The following SEZ6L2 variants were observed in gnomAD, a reference collection of about 807,000 sequenced individuals.
The protein encoded by SEZ6L2 is seizure 6-like protein 2.
Under a neutral mutation model 97.0 loss-of-function variants are expected in SEZ6L2, and 44 were observed. The observed-to-expected ratio is 0.45, with a 90% CI of 0.36 to 0.58. SEZ6L2 has a LOEUF of 0.58. SEZ6L2 is among the 20% of genes least tolerant of loss of function. The pLI is 0.00. For synonymous variants in SEZ6L2, 543 were observed against 546.1 expected (o/e 0.99, Z 0.08); for missense variants, 1,086 against 1,233.3 (o/e 0.88, Z 1.79).
intron 8 of SEZ6L2, among the ~76,000 whole-genome samples, chr16:29,884,601 A>G (rs1399654515): frequency 2.0e-5 from 3 of 151,674 alleles, no homozygotes; most frequent in Non-Finnish European, 4.4e-5. Flanking sequence ...CAAAATAAAT[A>G]AATAAATAAA....
At chr16:29,892,581 T>C (rs539217090) in intron 5 of SEZ6L2, among the ~76,000 whole-genome samples, 2 of 152,138 alleles carry the variant, frequency 1.3e-5, no homozygotes, top group African/African-American at 4.8e-5. Flanking sequence ...CTAAGGCAGG[T>C]CCTGAGCAGA....
At chr16:29,882,954 T>C (rs919735690) in intron 8 of SEZ6L2, among the ~76,000 whole-genome samples, 2 of 152,180 alleles carry the variant, frequency 1.3e-5, no homozygotes, top group African/African-American at 4.8e-5. Context: ...GAGTCAGGAC[T>C]CACAACTTGC....
intron 8 of SEZ6L2, among the ~76,000 whole-genome samples, chr16:29,883,346 G>A (rs894138424): frequency 1.3e-5 from 2 of 151,732 alleles, no homozygotes; most frequent in African/African-American, 4.8e-5. Flanking sequence ...TTGCTCTGTT[G>A]CCCAGGCTGG....
Position 29,873,313 on chromosome 16 carries a change from A to G in SEZ6L2, c.2415T>C (p.Leu805=). The change falls in exon 14 of 18, where the codon CTT becomes CTC. Residue 805 remains leucine (L), a synonymous_variant. Coordinates refer to ENST00000617533, the MANE Select transcript of SEZ6L2 (RefSeq NM_001243332.2). The surrounding 1 kb of genome is among the most constrained non-coding windows in gnomAD (Gnocchi z 4.3). ...CACAGGTGATGGTGACCTCGCCGAT[A>G]AGCTCAAAGCCCTCATAGCAGAAGA... ...LRFFCYEGFE[L]IGEVTITCVP... is the part of the protein sequence containing the mutation. The G allele has an allele frequency of 6.2e-7, 1 of 1,614,206 alleles. No homozygotes were observed. Among genetic ancestry groups the G allele is most frequent in the Non-Finnish European group, 8.5e-7 (1 of 1,180,028 alleles).
chr16:29,896,797 C>G (rs755394348), intron 3 of SEZ6L2, 25 bp downstream of exon 3: 1 of 1,606,866 alleles, frequency 6.2e-7, no homozygotes, highest in Non-Finnish European at 8.5e-7. Context: ...GTCCTCCCAC[C>G]CCCATCCCCT....
intron 12 of SEZ6L2, among the ~76,000 whole-genome samples, chr16:29,874,119 G>A (rs2067848075): frequency 6.6e-6 from 1 of 152,172 alleles, no homozygotes; most frequent in Non-Finnish European, 1.5e-5. Flanking sequence ...AACTTAAAAT[G>A]CAGTGCATCT....
chr16:29,881,718 C>T (rs888639546), intron 8 of SEZ6L2, among the ~76,000 whole-genome samples: 1 of 145,240 alleles, frequency 6.9e-6, no homozygotes. Flanking sequence ...ACCTCTGCCT[C>T]CCAGGTTCAA....
chr16:29,878,148 C>T (rs978670412), intron 10 of SEZ6L2, 139 bp downstream of exon 10: 5 of 1,071,648 alleles, frequency 4.7e-6, no homozygotes, highest in Non-Finnish European at 6.5e-6. Flanking sequence ...TATCCTGTAC[C>T]CTTAGTGCAC....
At chr16:29,874,768 G>A (rs1246941485) in intron 12 of SEZ6L2, among the ~76,000 whole-genome samples, 1 of 151,456 alleles carries the variant, frequency 6.6e-6, no homozygotes, top group South Asian at 2.1e-4. Context: ...ACAGGGTTTC[G>A]CCATGTTGGC....
At position 29,895,734 on chromosome 16, in the gene SEZ6L2, C is replaced by A. The variant is rs1225392789; in HGVS notation, c.638G>T (p.Gly213Val). ...TYSIHVYPGY[G>V]IEIQVQTLNL... ...TGGTCCAGTTACCTGGATCTCAATG[C>A]CGTAGCCAGGGTAGACATGGATGCT... The change falls in exon 4 of 18, where the codon GGC becomes GTC. Residue 213 changes from glycine to valine, a missense_variant. Physicochemically the swap from Gly to Val is moderately radical, Grantham distance 109. This residue lies in a region of SEZ6L2 where 776 missense variants were observed against 794.7 expected (regional missense o/e 0.98). Coordinates refer to ENST00000617533, the MANE Select transcript of SEZ6L2 (RefSeq NM_001243332.2). 2.5e-6 allele frequency: 4 copies of A among 1,612,972 alleles called. No individual in the cohort carries two copies. The highest frequency in any genetic ancestry group is 3.4e-6 in the Non-Finnish European group (4 of 1,179,636).
intron 11 of SEZ6L2, 136 bp downstream of exon 11, chr16:29,877,135 C>T (rs2067922613): frequency 4.4e-6 from 5 of 1,139,026 alleles, no homozygotes; most frequent in Non-Finnish European, 6.1e-6. Context: ...GCCTCAACCT[C>T]CTGGCTTCAA....
rs950330292 is a variant in SEZ6L2 at position 29,899,321 on chromosome 16, G to T, written c.-302C>A. On this transcript the variant is annotated 5_prime_UTR_variant, in exon 1 of 18. Transcript: ENST00000617533. The stretch of plus-strand genomic sequence containing the variant: ...GGGCCGAGAGGGCCGAAGGGGCCGG[G>T]TGGCCTGGGTTACCCTCCTGCTCAG... The T allele has an allele frequency of 1.3e-5, 5 of 390,656 alleles. No homozygotes were observed. The highest frequency in any genetic ancestry group is 2.2e-5 in the African/African-American group (1 of 45,740). 24.2% of individuals were successfully genotyped at this position (390,656 alleles called of 1,614,324 possible).
intron 6 of SEZ6L2, 126 bp downstream of exon 6, chr16:29,888,414 C>T (rs1015481883): frequency 3.8e-5 from 37 of 964,166 alleles, no homozygotes; most frequent in Non-Finnish European, 5.7e-5. Context: ...GATGGGGACT[C>T]CTCAGGGTAA....
At position 29,897,083 on chromosome 16, in the gene SEZ6L2, C is replaced by T. The variant is rs1000515293; in HGVS notation, c.250G>A (p.Gly84Ser). ...AGGGAGGGCACTGCGAGAGTCTGGC[C>T]GGCCGGAGGGGTGGCTAGCGTGGGG... ...RDPTLATPPA[G>S]QTLAVPSLPR... is the part of the protein sequence containing the mutation. Residue 84 changes from glycine (G) to serine (S), a missense_variant, in exon 3 of 18, where the codon GGC (glycine) becomes AGC (serine). Transcript: ENST00000617533. The T allele has an allele frequency of 5.0e-5, 79 of 1,580,934 alleles. No homozygotes were observed. The highest frequency in any genetic ancestry group is 6.4e-5 in the Non-Finnish European group (75 of 1,171,232).
Position 29,895,365 on chromosome 16 carries a change from G to A in SEZ6L2, c.747C>T (p.Ser249=), listed in dbSNP as rs2068360467. 2 of 1,614,118 alleles carry A rather than the reference G, an allele frequency of 1.2e-6. No individual in the cohort carries two copies. The highest frequency in any genetic ancestry group is 1.7e-6 in the Non-Finnish European group (2 of 1,180,018). ...GAAGGACTTGTCCTTCTCCAAGCAT[G>A]GATGAGTTGGCCAGGAGTCGGGGGG... is the stretch of plus-strand genomic sequence containing the variant. ...GLAPRLLANS[S]MLGEGQVLRS... Residue 249 remains serine (S), a synonymous_variant, in exon 5 of 18, where the codon TCC becomes TCT. Transcript: ENST00000617533.
chr16:29,879,778 C>G (rs995385523), intron 9 of SEZ6L2, 86 bp downstream of exon 9: 29 of 1,225,582 alleles, frequency 2.4e-5, no homozygotes, highest in Non-Finnish European at 2.7e-5. Context: ...GGATGTGCAG[C>G]CTTCCTTTCT....
At chr16:29,880,170 T>A (rs1285170064) in intron 8 of SEZ6L2, 106 bp from the exon 9 acceptor site, 3 of 242,054 alleles carry the variant, frequency 1.2e-5, no homozygotes, top group African/African-American at 7.3e-5. Flanking sequence ...CTCACTGGGC[T>A]TTTTTTTTTT....
chr16:29,871,853 G>T, intron 17 of SEZ6L2, 125 bp from the exon 18 acceptor site: 1 of 848,680 alleles, frequency 1.2e-6, no homozygotes, highest in Non-Finnish European at 2.0e-6. Flanking sequence ...TGGGGGGCCA[G>T]TGAATGTGTT....
At chr16:29,877,541 A>G (rs2067935887) in intron 10 of SEZ6L2, 74 bp from the exon 11 acceptor site, 2 of 1,352,682 alleles carry the variant, frequency 1.5e-6, no homozygotes, top group East Asian at 2.5e-5. Flanking sequence ...CCCATCCTCA[A>G]CTCTGCTCAT....
Sources: allele counts gnomAD v4.1 joint callset (sites outside exome capture counted in the v4.1 genomes callset), GRCh38; gene constraint gnomAD v4.1.1; regional missense constraint gnomAD v4.1.1; non-coding constraint Gnocchi (gnomAD v3.1); transcripts MANE v1.5; gene names NCBI Gene and HGNC (gene_info 2026-07-23, HGNC 2026-07-21).